Variants in TEAD3 observed in about 807,000 individuals in gnomAD.
TEAD3 encodes transcriptional enhancer factor TEF-5.
A neutral mutation model predicts 55.6 loss-of-function variants in TEAD3; 15 were observed. The ratio of observed to expected loss-of-function variants is 0.27; its 90% CI spans 0.18 to 0.42. TEAD3 has a LOEUF of 0.42. Ranked by LOEUF, TEAD3 falls within the 10% of genes least tolerant of loss-of-function variation. The probability of loss-of-function intolerance (pLI) is 1.00; values close to 1 mark genes in which losing one functional copy is unlikely to be tolerated. For missense variants in TEAD3, 407 were observed against 576.8 expected (o/e 0.71, Z 3.01); for synonymous variants, 210 against 232.2 (o/e 0.90, Z 0.87).
chr6:35,475,320 C>T lies in TEAD3; in HGVS notation c.1194+16G>A. On this transcript the variant is annotated intron_variant, in intron 12 of 12. Transcript: ENST00000639578. This position sits in a 1 kb window ranked among gnomAD's most constrained non-coding sequence, Gnocchi z 5.4. ...CTGGCCTGTGGGACTCCCCACGACC[C>T]CTGCTGCCCCCATACCTGCAGGATG... 6.2e-7 allele frequency: 1 copy of T among 1,611,240 alleles called. No homozygotes were observed. The highest frequency in any genetic ancestry group is 8.5e-7 in the Non-Finnish European group (1 of 1,177,964).
chr6:35,486,418 A>G lies in TEAD3; in HGVS notation c.202+43T>C. 3.8e-6 allele frequency: 6 copies of G among 1,579,748 alleles called. No individual in the cohort carries two copies. The highest frequency in any genetic ancestry group is 5.2e-6 in the Non-Finnish European group (6 of 1,159,364). On this transcript the variant is annotated intron_variant, in intron 2 of 12. Coordinates refer to ENST00000639578, the Ensembl canonical transcript of TEAD3. The surrounding 1 kb of genome is among the most constrained non-coding windows in gnomAD (Gnocchi z 7.3). ...CCGGTTGGGTGAGAGGGCAGAGAGC[A>G]GGGGGAAGGGCCGCAGTCCCGCCCG... is the stretch of plus-strand genomic sequence containing the variant.
In TEAD3 at chr6:35,475,481, TACTC is replaced by T. The variant is rs1433424824; in HGVS notation, c.1045_1048del (p.Glu349MetfsTer22). Reference sequence around the variant, plus strand: ...AAAGCGCCCGTTCTCCAGCCTGGCATACTCAGTCTGCAGAGAATATGGAGAAGGC... The same window carrying T: ...AAAGCGCCCGTTCTCCAGCCTGGCATAGTCTGCAGAGAATATGGAGAAGGC... On this transcript the variant is annotated frameshift_variant, in exon 12 of 13. Transcript: ENST00000639578. LOFTEE classifies it high-confidence loss of function. The surrounding 1 kb of genome is among the most constrained non-coding windows in gnomAD (Gnocchi z 5.4). The T allele has an allele frequency of 6.2e-7, 1 of 1,612,620 alleles. No individual in the cohort carries two copies. The highest frequency in any genetic ancestry group is 8.5e-7 in the Non-Finnish European group (1 of 1,178,814).
chr6:35,475,173 G>A lies in TEAD3; in HGVS notation c.1195-16C>T. 2 of 1,571,604 alleles carry A rather than the reference G, an allele frequency of 1.3e-6. No homozygotes were observed. The highest frequency in any genetic ancestry group is 1.7e-6 in the Non-Finnish European group (2 of 1,157,990). On this transcript the variant is annotated splice_polypyrimidine_tract_variant and intron_variant, in intron 12 of 12. Transcript: ENST00000639578. This position sits in a 1 kb window ranked among gnomAD's most constrained non-coding sequence, Gnocchi z 5.4. ...TCGTGACCACCTGGGGGGTGAGCAG[G>A]TAAGAGATTCAGGAGGTCAGGGAGA...
At position 35,475,179 on chromosome 6, in the gene TEAD3, G is replaced by A. The variant is rs1179156895; in HGVS notation, c.1195-22C>T. 1 of 1,569,724 alleles carries A rather than the reference G, an allele frequency of 6.4e-7. No homozygotes were observed. Among genetic ancestry groups the A allele is most frequent in the South Asian group, 1.2e-5 (1 of 86,132 alleles). ...CCACCTGGGGGGTGAGCAGGTAAGA[G>A]ATTCAGGAGGTCAGGGAGAAAAGGG... On this transcript the variant is annotated intron_variant, in intron 12 of 12. Coordinates refer to ENST00000639578, the Ensembl canonical transcript of TEAD3. This position sits in a 1 kb window ranked among gnomAD's most constrained non-coding sequence, Gnocchi z 5.4.
chr6:35,477,379 A>G lies in TEAD3; in HGVS notation c.531-7T>C. On this transcript the variant is annotated splice_polypyrimidine_tract_variant and splice_region_variant and intron_variant, in intron 7 of 12. Coordinates refer to ENST00000639578, the Ensembl canonical transcript of TEAD3. The stretch of plus-strand genomic sequence containing the variant: ...CTGTGCAAAGGGCTTGATGCTGCAG[A>G]CAGGAGCACAGCCTGGTGAGAGGGT... The G allele has an allele frequency of 6.3e-7, 1 of 1,599,974 alleles. No individual in the cohort carries two copies. The highest frequency in any genetic ancestry group is 8.5e-7 in the Non-Finnish European group (1 of 1,179,462).
intron 7 of TEAD3, 62 bp downstream of exon 7, chr6:35,478,213 A>C: frequency 1.3e-6 from 2 of 1,598,772 alleles, no homozygotes; most frequent in East Asian, 2.2e-5. Context: ...CCCAAATGGG[A>C]GGGAAGCCCT....
At chr6:35,474,875 A>T (rs569349904), downstream of TEAD3, 70 of 606,834 alleles carry the variant, frequency 1.2e-4, no homozygotes, top group African/African-American at 1.2e-3. Context: ...TAAAGCGCAG[A>T]ACAGTGGCAG....
chr6:35,489,900 A>G lies in TEAD3; in HGVS notation c.-49-3189T>C, dbSNP rs7740827. Among the ~76,000 whole-genome samples, 3 of 152,288 alleles carry G rather than the reference A, an allele frequency of 2.0e-5. No individual in the cohort carries two copies. The South Asian group carries it at 6.2e-4, about 32-fold the overall frequency. On this transcript the variant is annotated intron_variant, in intron 1 of 12. Transcript: ENST00000639578. Reference sequence around the variant, plus strand: ...TAAAAATTAAATTTAAATTAAAAAAACAAAAAGAAAAAATTAAGGGGACAG... The same window carrying G: ...TAAAAATTAAATTTAAATTAAAAAAGCAAAAAGAAAAAATTAAGGGGACAG...
In TEAD3 at chr6:35,484,627, A is replaced by C; in HGVS notation, c.203-3T>G. The C allele has an allele frequency of 6.3e-7, 1 of 1,593,414 alleles. No individual in the cohort carries two copies. The highest frequency in any genetic ancestry group is 8.5e-7 in the Non-Finnish European group (1 of 1,169,736). On this transcript the variant is annotated splice_polypyrimidine_tract_variant and splice_region_variant and intron_variant, in intron 2 of 12. Transcript: ENST00000639578. The surrounding 1 kb of genome is among the most constrained non-coding windows in gnomAD (Gnocchi z 5.8). ...GCGTGCAATCAACTCATTTCGGCCTAGATTGGGGTGAGAGAGAAAATGAGG... is the reference window on the plus strand; with the variant it reads ...GCGTGCAATCAACTCATTTCGGCCTCGATTGGGGTGAGAGAGAAAATGAGG...
chr6:35,476,543 G>C, intron 8 of TEAD3, 108 bp from the exon 9 acceptor site: 1 of 1,414,468 alleles, frequency 7.1e-7, no homozygotes, highest in South Asian at 1.3e-5. Context: ...ACATGAGTTG[G>C]ATTTTGACTC....
chr6:35,475,008 C>T lies in TEAD3; in HGVS notation c.*36G>A, dbSNP rs1561802583. On this transcript the variant is annotated 3_prime_UTR_variant, in exon 13 of 13. Transcript: ENST00000639578. This position sits in a 1 kb window ranked among gnomAD's most constrained non-coding sequence, Gnocchi z 5.4. ...GCCAGGCAGGTGTGGAGAGGAGATGCTCACCCTGCATCCTTAAGGAGGCGC... is the reference window on the plus strand; with the variant it reads ...GCCAGGCAGGTGTGGAGAGGAGATGTTCACCCTGCATCCTTAAGGAGGCGC... 1.3e-6 allele frequency: 2 copies of T among 1,487,570 alleles called. No individual in the cohort carries two copies. Among genetic ancestry groups the T allele is most frequent in the Non-Finnish European group, 9.0e-7 (1 of 1,107,284 alleles). 92.1% of individuals were successfully genotyped at this position (1,487,570 alleles called of 1,614,324 possible).
chr6:35,492,095 C>T (rs1303796215), intron 1 of TEAD3, among the ~76,000 whole-genome samples: 1 of 152,210 alleles, frequency 6.6e-6, no homozygotes, highest in Non-Finnish European at 1.5e-5. Flanking sequence ...TGAGCTGTGA[C>T]CTTCCTGGGT....
At chr6:35,479,431 G>T in intron 4 of TEAD3, 115 bp from the exon 5 acceptor site, 1 of 1,350,328 alleles carries the variant, frequency 7.4e-7, no homozygotes, top group Non-Finnish European at 1.0e-6. Context: ...AGCTTCCGAG[G>T]AGCCCAAGGA....
At chr6:35,479,190 T>C in intron 5 of TEAD3, 115 bp downstream of exon 5, 1 of 1,417,428 alleles carries the variant, frequency 7.1e-7, no homozygotes, top group Non-Finnish European at 9.8e-7. Flanking sequence ...TTCGTTTTTT[T>C]AAAATGAGGC....
Position 35,475,056 on chromosome 6 carries a change from G to T in TEAD3, c.1296C>A (p.Leu432=). The T allele has an allele frequency of 6.3e-7, 1 of 1,585,216 alleles. No homozygotes were observed. Among genetic ancestry groups the T allele is most frequent in the South Asian group, 1.2e-5 (1 of 86,758 alleles). ...CGCAGAGGGCACCCTAGTCTTTGAC[G>T]AGCTTGTAGACATGGTGCTGGGCCC... The change falls in exon 13 of 13, where the codon CTC becomes CTA. Residue 432 remains leucine (L), a synonymous_variant. Transcript: ENST00000639578. This position sits in a 1 kb window ranked among gnomAD's most constrained non-coding sequence, Gnocchi z 5.4.
At chr6:35,487,305 T>C (rs1389863276) in intron 1 of TEAD3, among the ~76,000 whole-genome samples, 1 of 150,248 alleles carries the variant, frequency 6.7e-6, no homozygotes, top group African/African-American at 2.5e-5. Flanking sequence ...TATAATCCCA[T>C]CACTTTGGGA....
rs1581722126 is a variant in TEAD3 at position 35,477,431 on chromosome 6, C to G, written c.531-59G>C. ...CCCTCTTCCCTACCTTCCACCTGGC[C>G]CAGCCCCTCTTCCAAGACCCCAGGA... On this transcript the variant is annotated intron_variant, in intron 7 of 12. Transcript: ENST00000639578. 9.9e-6 allele frequency: 15 copies of G among 1,520,092 alleles called. No homozygotes were observed. In the East Asian group the frequency reaches 3.3e-4, roughly 33 times the overall value. The allele number at this position is 1,520,092 out of a possible 1,614,324, so 94.2% of individuals were successfully genotyped here. A position where few individuals can be genotyped will look rare whatever the true frequency, so the allele number is the denominator to read the frequency against.
chr6:35,486,743 G>C lies in TEAD3; in HGVS notation c.-49-32C>G, dbSNP rs1301952820. The C allele has an allele frequency of 3.2e-5, 48 of 1,491,544 alleles. No homozygotes were observed. The highest frequency in any genetic ancestry group is 4.2e-5 in the Non-Finnish European group (46 of 1,090,916). The allele number at this position is 1,491,544 out of a possible 1,614,324, so 92.4% of individuals were successfully genotyped here. ...GACAGACAGACAGGAACTGGGACCAGGGTCCTCCTCGACCACAGCAATCTC... is the reference window on the plus strand; with the variant it reads ...GACAGACAGACAGGAACTGGGACCACGGTCCTCCTCGACCACAGCAATCTC... On this transcript the variant is annotated intron_variant, in intron 1 of 12. Coordinates refer to ENST00000639578, the Ensembl canonical transcript of TEAD3. The surrounding 1 kb of genome is among the most constrained non-coding windows in gnomAD (Gnocchi z 7.3).
exon 6 of TEAD3, chr6:35,478,457 C>A: frequency 2.5e-6 from 4 of 1,613,432 alleles, no homozygotes; most frequent in Non-Finnish European, 3.4e-6. Context: ...GAGAAGACGG[C>A]CTGGGGCAGA....
Sources: allele counts gnomAD v4.1 joint callset (sites outside exome capture counted in the v4.1 genomes callset), GRCh38; gene constraint gnomAD v4.1.1; non-coding constraint Gnocchi (gnomAD v3.1); transcripts MANE v1.5; gene names NCBI Gene and HGNC (gene_info 2026-07-23, HGNC 2026-07-21).